Variants in DENND2B observed in about 807,000 individuals in gnomAD.
DENND2B encodes DENN domain-containing protein 2B.
A neutral mutation model predicts 116.0 loss-of-function variants in DENND2B; 32 were observed. The observed-to-expected ratio is 0.28, with a 90% CI of 0.21 to 0.37. The LOEUF (loss-of-function observed/expected upper bound fraction) is 0.37, where lower values mean the gene tolerates loss of function less well. Ranked by LOEUF, DENND2B falls within the 10% of genes least tolerant of loss-of-function variation. The pLI, the probability that DENND2B is intolerant of heterozygous loss-of-function variation, is 1.00. For synonymous variants in DENND2B, 588 were observed against 583.9 expected (o/e 1.01, Z -0.10); for missense variants, 1,276 against 1,477.7 (o/e 0.86, Z 2.24).
rs529885352 is a variant in DENND2B, at chr11:8,727,383, G to A, written c.1341-1174C>T. On this transcript the variant is annotated intron_variant, in intron 3 of 19. Coordinates refer to ENST00000313726, the MANE Select transcript of DENND2B (RefSeq NM_213618.2). ...CCCGCCCCAAGCACTCAACACAACC[G>A]AACACTCTTTATATTGACATCTCCT... Among the ~76,000 whole-genome samples, 16 of 152,202 alleles carry A rather than the reference G, an allele frequency of 1.1e-4. No individual in the cohort carries two copies. In the South Asian group the frequency reaches 3.3e-3, roughly 32 times the overall value.
At position 8,712,930 on chromosome 11, in the gene DENND2B, C is replaced by T. The variant is rs1299882943; in HGVS notation, c.1988-195G>A. Among the ~76,000 whole-genome samples, 1 of 152,214 alleles carries T rather than the reference C, an allele frequency of 6.6e-6. No individual in the cohort carries two copies. Among genetic ancestry groups the T allele is most frequent in the Non-Finnish European group, 1.5e-5 (1 of 68,042 alleles). On this transcript the variant is annotated intron_variant, in intron 8 of 19. Coordinates refer to ENST00000313726, the MANE Select transcript of DENND2B (RefSeq NM_213618.2). The surrounding 1 kb of genome is among the most constrained non-coding windows in gnomAD (Gnocchi z 4.4). ...CCTGCACAAAGACTCTGCCCTGACA[C>T]AGGAAGCTGCGGGCCTGGTCCTCCT... is the stretch of plus-strand genomic sequence containing the variant.
At chr11:8,695,414 CCCTT>C in intron 19 of DENND2B, 45 bp downstream of exon 19, 1 of 1,543,768 alleles carries the variant, frequency 6.5e-7, no homozygotes, top group Non-Finnish European at 8.9e-7. Flanking sequence ...ATCTCCCAGC[CCCTT>C]CCTTCTTGCT....
chr11:8,870,083 G>GA (rs1393120429), intron 2 of DENND2B, among the ~76,000 whole-genome samples: 2 of 152,196 alleles, frequency 1.3e-5, no homozygotes, highest in Middle Eastern at 3.2e-3. Context: ...TTGCAGATGG[G>GA]ATAATGACCT....
chr11:8,801,827 C>A (rs573043639), intron 1 of DENND2B, among the ~76,000 whole-genome samples: 2 of 150,276 alleles, frequency 1.3e-5, no homozygotes, highest in South Asian at 4.2e-4. Flanking sequence ...ATGAAGAAAC[C>A]CCATCTCTAT....
intron 3 of DENND2B, among the ~76,000 whole-genome samples, chr11:8,850,574 G>A (rs1448733048): frequency 2.0e-5 from 3 of 151,812 alleles, no homozygotes. Flanking sequence ...GGAGGTTGAC[G>A]GGAATATAAA....
At chr11:8,794,135 A>G (rs1009181971) in intron 1 of DENND2B, among the ~76,000 whole-genome samples, 6 of 152,194 alleles carry the variant, frequency 3.9e-5, no homozygotes, top group Admixed American at 3.9e-4. Flanking sequence ...TGCTTTTGTT[A>G]TTTTAAAAAA....
intron 1 of DENND2B, among the ~76,000 whole-genome samples, chr11:8,764,183 G>A (rs976407785): frequency 1.3e-5 from 2 of 151,642 alleles, no homozygotes; most frequent in Non-Finnish European, 2.9e-5. Flanking sequence ...TCGCGCCACT[G>A]CACTCCAGCC....
intron 1 of DENND2B, among the ~76,000 whole-genome samples, chr11:8,795,940 A>G (rs1233855046): frequency 6.6e-6 from 1 of 152,222 alleles, no homozygotes; most frequent in Non-Finnish European, 1.5e-5. Flanking sequence ...ACCTTTCCCA[A>G]CTACATTATC....
chr11:8,797,612 A>C (rs2059949364), intron 1 of DENND2B, among the ~76,000 whole-genome samples: 1 of 150,924 alleles, frequency 6.6e-6, no homozygotes, highest in Non-Finnish European at 1.5e-5. Context: ...TTCTCTGAGA[A>C]AGAGTCTTGC....
At chr11:8,741,796 C>G (rs1442484429) in intron 2 of DENND2B, among the ~76,000 whole-genome samples, 1 of 152,166 alleles carries the variant, frequency 6.6e-6, no homozygotes, top group Non-Finnish European at 1.5e-5. Flanking sequence ...AGGTAAAGCC[C>G]CAGCAACAGC....
intron 1 of DENND2B, among the ~76,000 whole-genome samples, chr11:8,768,438 C>A (rs1384903510): frequency 6.6e-6 from 1 of 151,930 alleles, no homozygotes; most frequent in Non-Finnish European, 1.5e-5. Context: ...TGTAGAGATA[C>A]GGGTTTTGCT....
chr11:8,753,347 TAGAA>T (rs2052911142), intron 1 of DENND2B, among the ~76,000 whole-genome samples: 1 of 152,080 alleles, frequency 6.6e-6, no homozygotes, highest in African/African-American at 2.4e-5. Context: ...ATAAATCACT[TAGAA>T]ATAAATAAAA....
At chr11:8,856,134 T>C (rs905462152) in intron 3 of DENND2B, among the ~76,000 whole-genome samples, 3 of 152,176 alleles carry the variant, frequency 2.0e-5, no homozygotes, top group Admixed American at 6.5e-5. Flanking sequence ...TAACATGAAA[T>C]AGAATCAAAT....
intron 1 of DENND2B, among the ~76,000 whole-genome samples, chr11:8,806,849 C>G (rs1255389486): frequency 1.3e-5 from 2 of 152,128 alleles, no homozygotes; most frequent in African/African-American, 4.8e-5. Flanking sequence ...AAGGCACACA[C>G]TAATGCAAGT....
chr11:8,901,229 C>CTTTTCTTTTTTTTTTTTTTTTTTTTTTT (rs781408078), intron 1 of DENND2B, among the ~76,000 whole-genome samples: 2 of 83,918 alleles, frequency 2.4e-5, no homozygotes, highest in South Asian at 3.8e-4. Context: ...CTTTTCTTTT[C>CTTTTCTTTTTTTTTTTTTTTTTTTTTTT]TTTTTTTTTT....
At chr11:8,883,228 G>T (rs1295472301) in intron 1 of DENND2B, among the ~76,000 whole-genome samples, 1 of 152,134 alleles carries the variant, frequency 6.6e-6, no homozygotes, top group South Asian at 2.1e-4. Context: ...GGCAAAAAGA[G>T]ATCTCTTTAG....
chr11:8,732,681 A>G (rs910329544), intron 2 of DENND2B, among the ~76,000 whole-genome samples: 3 of 152,254 alleles, frequency 2.0e-5, no homozygotes, highest in African/African-American at 4.8e-5. Flanking sequence ...CACCATGAGC[A>G]TACTTCCTCT....
intron 4 of DENND2B, among the ~76,000 whole-genome samples, chr11:8,822,977 C>T (rs2061823288): frequency 6.6e-6 from 1 of 152,118 alleles, no homozygotes; most frequent in African/African-American, 2.4e-5. Context: ...GTACAAATCG[C>T]ATCAAGAGAC....
chr11:8,852,316 G>C (rs1008262564), intron 3 of DENND2B, among the ~76,000 whole-genome samples: 2 of 152,110 alleles, frequency 1.3e-5, no homozygotes, highest in Non-Finnish European at 2.9e-5. Flanking sequence ...AAGAGCTTTC[G>C]TGGTTCATTA....
Sources: gnomAD v4.1 joint callset for allele counts (sites outside exome capture counted in the v4.1 genomes callset) on GRCh38, gnomAD v4.1.1 for gene constraint, Gnocchi (gnomAD v3.1) non-coding constraint, MANE v1.5 for transcripts, NCBI Gene and HGNC (gene_info 2026-07-23, HGNC 2026-07-21) for gene names.